NLGN1: variants seen among roughly 807,000 people sequenced by gnomAD.
The protein encoded by NLGN1 is neuroligin-1.
A neutral mutation model predicts 65.5 loss-of-function variants in NLGN1; 12 were observed. The ratio of observed to expected loss-of-function variants is 0.18; its 90% CI spans 0.12 to 0.30. The LOEUF (loss-of-function observed/expected upper bound fraction) is 0.30, where lower values mean the gene tolerates loss of function less well. Among genes scored for constraint, NLGN1 ranks in the 10% least tolerant of loss-of-function variants. NLGN1 has a pLI of 1.00. For synonymous variants in NLGN1, 350 were observed against 359.5 expected (o/e 0.97, Z 0.30); for missense variants, 750 against 1,007.1 (o/e 0.74, Z 3.46).
At position 173,600,592 on chromosome 3, in the gene NLGN1, C is replaced by CTTTTTTTT. The variant is rs150984290; in HGVS notation, c.-320-3685_-320-3678dup. 2.9e-4 allele frequency among the ~76,000 whole-genome samples: 30 copies of CTTTTTTTT among 103,494 alleles called. 5 individuals carry two copies. Among genetic ancestry groups the CTTTTTTTT allele is most frequent in the East Asian group, 9.9e-4 (3 of 3,020 alleles). The allele number at this position is 103,494 out of a possible 152,430, so 67.9% of individuals were successfully genotyped here. A position where few individuals can be genotyped will look rare whatever the true frequency, so the allele number is the denominator to read the frequency against. ...AAGCAAGGTAGAAATAAAAACATATCTTTTTTTTTAGAAAAAGATATGTAA... is the reference window on the plus strand; with the variant it reads ...AAGCAAGGTAGAAATAAAAACATATCTTTTTTTTTTTTTTTTTAGAAAAAGATATGTAA... On this transcript the variant is annotated intron_variant, in intron 2 of 6. Transcript: ENST00000457714.
chr3:173,561,641 T>G, intron 2 of NLGN1, among the ~76,000 whole-genome samples: 1 of 152,270 alleles, frequency 6.6e-6, no homozygotes, highest in South Asian at 2.1e-4. Context: ...TAATAAATAT[T>G]AGTTAAAGAC....
intron 4 of NLGN1, among the ~76,000 whole-genome samples, chr3:174,166,485 T>C (rs77644404): frequency 1.3e-5 from 2 of 152,074 alleles, no homozygotes; most frequent in Non-Finnish European, 2.9e-5. Flanking sequence ...TATAATGGTA[T>C]GGTTTTGAGA....
At chr3:173,849,124 A>G (rs990614911) in intron 4 of NLGN1, among the ~76,000 whole-genome samples, 11 of 152,178 alleles carry the variant, frequency 7.2e-5, no homozygotes, top group African/African-American at 2.7e-4. Context: ...AAGCTTTGCG[A>G]TAACTACCAT....
At chr3:174,257,792 G>T in intron 4 of NLGN1, among the ~76,000 whole-genome samples, 1 of 151,042 alleles carries the variant, frequency 6.6e-6, no homozygotes, top group East Asian at 1.9e-4. Context: ...ATTTTCATAT[G>T]CAAAAATCAA....
intron 2 of NLGN1, among the ~76,000 whole-genome samples, chr3:173,591,914 C>T (rs77336216): frequency 2.0e-5 from 3 of 152,150 alleles, no homozygotes; most frequent in East Asian, 1.9e-4. Context: ...CAGACAAAAT[C>T]ATCAACTTAA....
chr3:173,927,473 A>C (rs1743219796), intron 4 of NLGN1, among the ~76,000 whole-genome samples: 1 of 152,156 alleles, frequency 6.6e-6, no homozygotes, highest in Admixed American at 6.6e-5. Context: ...ACATAGGCTC[A>C]GAAACTTAAG....
At chr3:173,431,997 A>T (rs941372188) in intron 1 of NLGN1, among the ~76,000 whole-genome samples, 1 of 152,206 alleles carries the variant, frequency 6.6e-6, no homozygotes, top group Non-Finnish European at 1.5e-5. Context: ...ACAATTTCAT[A>T]TTGAATTCTT....
chr3:173,619,203 T>C (rs1447158111), intron 3 of NLGN1, among the ~76,000 whole-genome samples: 1 of 152,172 alleles, frequency 6.6e-6, no homozygotes, highest in Non-Finnish European at 1.5e-5. Flanking sequence ...GCACACTGAA[T>C]AATTAGATTA....
At chr3:174,249,959 G>A (rs890096505) in intron 4 of NLGN1, among the ~76,000 whole-genome samples, 2 of 152,174 alleles carry the variant, frequency 1.3e-5, no homozygotes, top group Non-Finnish European at 2.9e-5. Context: ...TAGCTTGGAT[G>A]ATTTGTTAAG....
At position 173,836,892 on chromosome 3, in the gene NLGN1, T is replaced by C. The variant is rs955955155; in HGVS notation, c.646+29060T>C. ...TCTAAGGCCATCAACAAAATGATAA[T>C]GCTCACATGGGTAAAGGGATGCTGA... On this transcript the variant is annotated intron_variant, in intron 4 of 6. Transcript: ENST00000457714. 3.9e-5 allele frequency among the ~76,000 whole-genome samples: 6 copies of C among 152,190 alleles called. No individual in the cohort carries two copies. The South Asian group carries it at 1.2e-3, about 31-fold the overall frequency.
At chr3:174,274,786 CAG>C (rs1750202474) in intron 4 of NLGN1, among the ~76,000 whole-genome samples, 1 of 151,728 alleles carries the variant, frequency 6.6e-6, no homozygotes, top group African/African-American at 2.4e-5. Context: ...CATATATATG[CAG>C]AGTTCTATAT....
exon 7 of NLGN1, chr3:174,281,335 T>G: frequency 7.2e-7 from 1 of 1,388,630 alleles, no homozygotes; most frequent in Non-Finnish European, 1.0e-6. Context: ...TTTTTTTTGA[T>G]GGATTGCAGT....
chr3:173,646,228 A>G (rs776444123), intron 3 of NLGN1, among the ~76,000 whole-genome samples: 31 of 152,194 alleles, frequency 2.0e-4, no homozygotes, highest in Non-Finnish European at 2.8e-4. Context: ...GGAATTCTCT[A>G]TACCCAACAA....
At chr3:173,977,256 A>G (rs1392029647) in intron 4 of NLGN1, among the ~76,000 whole-genome samples, 2 of 151,942 alleles carry the variant, frequency 1.3e-5, no homozygotes, top group Non-Finnish European at 2.9e-5. Flanking sequence ...AATAACTTTC[A>G]GTTGAAATCT....
At chr3:173,897,662 G>A (rs1218363549) in intron 4 of NLGN1, among the ~76,000 whole-genome samples, 1 of 152,080 alleles carries the variant, frequency 6.6e-6, no homozygotes, top group African/African-American at 2.4e-5. Flanking sequence ...ACCCTCATTT[G>A]GATGTAAAAC....
chr3:174,030,275 G>A (rs1729720895), intron 4 of NLGN1, among the ~76,000 whole-genome samples: 1 of 151,918 alleles, frequency 6.6e-6, no homozygotes, highest in Non-Finnish European at 1.5e-5. Context: ...ACAGGCATGT[G>A]CCACCATGCC....
intron 4 of NLGN1, among the ~76,000 whole-genome samples, chr3:173,909,532 A>T (rs891950851): frequency 6.6e-6 from 1 of 152,218 alleles, no homozygotes; most frequent in Non-Finnish European, 1.5e-5. Context: ...CTATTGAGCA[A>T]TCAGCTTGCC....
At chr3:174,036,749 C>T (rs1280211209) in intron 4 of NLGN1, among the ~76,000 whole-genome samples, 1 of 152,042 alleles carries the variant, frequency 6.6e-6, no homozygotes, top group Admixed American at 6.5e-5. Context: ...TCCTCTCCCT[C>T]TGCCCACCCT....
downstream of NLGN1, among the ~76,000 whole-genome samples, chr3:174,289,071 C>T (rs1752443508): frequency 6.6e-6 from 1 of 151,384 alleles, no homozygotes; most frequent in South Asian, 2.1e-4. Flanking sequence ...AAACTTCTAT[C>T]TTCATCCAAG....
Sources: gnomAD v4.1 joint callset for allele counts (sites outside exome capture counted in the v4.1 genomes callset) on GRCh38, gnomAD v4.1.1 for gene constraint, MANE v1.5 for transcripts, NCBI Gene and HGNC (gene_info 2026-07-23, HGNC 2026-07-21) for gene names.